AAK1: variants seen among roughly 807,000 people sequenced by gnomAD.
The protein encoded by AAK1 is AP2-associated protein kinase 1.
AAK1 carries 37 observed loss-of-function variants against 116.0 expected under a neutral mutation model. That is an observed-to-expected ratio of 0.32 (90% CI 0.25 to 0.42). The LOEUF (loss-of-function observed/expected upper bound fraction) is 0.42, where lower values mean the gene tolerates loss of function less well. Ranked by LOEUF, AAK1 falls within the 10% of genes least tolerant of loss-of-function variation. AAK1 has a pLI of 1.00. For missense variants in AAK1, 919 were observed against 1,170.6 expected (o/e 0.79, Z 3.14); for synonymous variants, 458 against 439.9 (o/e 1.04, Z -0.51).
chr2:69,514,412 T>C, intron 13 of AAK1, 59 bp downstream of exon 13: 1 of 1,466,340 alleles, frequency 6.8e-7, no homozygotes, highest in African/African-American at 1.4e-5. Flanking sequence ...ACCCTTCCCC[T>C]AGCTCTCGCT....
chr2:69,464,606 G>C lies in AAK1; in HGVS notation c.*11263C>G, dbSNP rs1674430032. Reference sequence around the variant, plus strand: ...TTCATTGTGGAGGTAGGCATGATGGGGCAGGATTTCCCTCAAGTGGAAATG... The same window carrying C: ...TTCATTGTGGAGGTAGGCATGATGGCGCAGGATTTCCCTCAAGTGGAAATG... On this transcript the variant is annotated 3_prime_UTR_variant, in exon 22 of 22. Transcript: ENST00000409085. 1 of 152,506 alleles carries C rather than the reference G, an allele frequency of 6.6e-6. No individual in the cohort carries two copies. The highest frequency in any genetic ancestry group is 2.1e-4 in the South Asian group (1 of 4,810). 9.4% of individuals were successfully genotyped at this position (152,506 alleles called of 1,614,324 possible).
chr2:69,584,286 C>A (rs1360743916), intron 2 of AAK1, among the ~76,000 whole-genome samples: 1 of 152,220 alleles, frequency 6.6e-6, no homozygotes, highest in Non-Finnish European at 1.5e-5. Flanking sequence ...TAGGTCATTA[C>A]ATAATACCTC....
At position 69,470,408 on chromosome 2, in the gene AAK1, G is replaced by C. The variant is rs1674636362; in HGVS notation, c.*5461C>G. Reference sequence around the variant, plus strand: ...AACTAATAATTACCATGACCTTCTAGCTCACATAACAAAATTAAGCATTTG... The same window carrying C: ...AACTAATAATTACCATGACCTTCTACCTCACATAACAAAATTAAGCATTTG... On this transcript the variant is annotated 3_prime_UTR_variant, in exon 22 of 22. Transcript: ENST00000409085. 1 of 985,250 alleles carries C rather than the reference G, an allele frequency of 1.0e-6. No homozygotes were observed. 61.0% of individuals were successfully genotyped at this position (985,250 alleles called of 1,614,324 possible).
At chr2:69,584,184 C>A (rs1672662562) in intron 2 of AAK1, among the ~76,000 whole-genome samples, 1 of 152,152 alleles carries the variant, frequency 6.6e-6, no homozygotes, top group African/African-American at 2.4e-5. Flanking sequence ...CTCCCTACCC[C>A]CTTTAACAAT....
chr2:69,472,716 A>G lies in AAK1; in HGVS notation c.*3153T>C. 7.1e-6 allele frequency: 7 copies of G among 985,464 alleles called. No homozygotes were observed. The highest frequency in any genetic ancestry group is 8.4e-6 in the Non-Finnish European group (7 of 829,926). The allele number at this position is 985,464 out of a possible 1,614,324, so 61.0% of individuals were successfully genotyped here. ...GTTACTCCTCTTACATAGCTGGAATAAAAGCAAATCAGAAACATATGCTTA... is the reference window on the plus strand; with the variant it reads ...GTTACTCCTCTTACATAGCTGGAATGAAAGCAAATCAGAAACATATGCTTA... On this transcript the variant is annotated 3_prime_UTR_variant, in exon 22 of 22. Transcript: ENST00000409085.
intron 12 of AAK1, among the ~76,000 whole-genome samples, chr2:69,518,512 G>T (rs1341993906): frequency 1.3e-5 from 2 of 150,210 alleles, no homozygotes; most frequent in African/African-American, 4.9e-5. Flanking sequence ...TCTGCCTCCT[G>T]GGTTCAAGCG....
chr2:69,641,529 C>A (rs1184180315), intron 2 of AAK1, among the ~76,000 whole-genome samples: 6 of 152,184 alleles, frequency 3.9e-5, no homozygotes, highest in Non-Finnish European at 5.9e-5. Flanking sequence ...AATAATTTCA[C>A]ATGGACATTA....
At chr2:69,520,315 G>T (rs1382535910) in intron 11 of AAK1, 2 of 154,422 alleles carry the variant, frequency 1.3e-5, no homozygotes, top group Admixed American at 1.3e-4. Context: ...CAGAATTCAA[G>T]GAGGCCTCTC....
At chr2:69,637,584 G>C (rs1389919946) in intron 2 of AAK1, among the ~76,000 whole-genome samples, 1 of 152,154 alleles carries the variant, frequency 6.6e-6, no homozygotes, top group Non-Finnish European at 1.5e-5. Flanking sequence ...TACTTTAATA[G>C]ACAATACGTT....
intron 2 of AAK1, among the ~76,000 whole-genome samples, chr2:69,588,903 A>C (rs1324680943): frequency 2.6e-5 from 4 of 152,200 alleles, no homozygotes; most frequent in Non-Finnish European, 1.5e-5. Context: ...TAAATGAAAG[A>C]ACTGCTACCA....
At chr2:69,552,831 C>A (rs6546531) in intron 3 of AAK1, among the ~76,000 whole-genome samples, 78,571 of 151,930 alleles carry the variant, frequency 0.52, 22,364 homozygotes, top group East Asian at 0.77. Flanking sequence ...TGACACCAAA[C>A]GCACAATCCA....
intron 14 of AAK1, among the ~76,000 whole-genome samples, chr2:69,508,815 G>A (rs1365139615): frequency 6.6e-6 from 1 of 152,204 alleles, no homozygotes; most frequent in African/African-American, 2.4e-5. Context: ...TGGCAAGTCT[G>A]CCTGTGAAAC....
intron 16 of AAK1, among the ~76,000 whole-genome samples, chr2:69,500,698 T>TATATATATACACACACAC: frequency 9.2e-5 from 6 of 65,102 alleles, no homozygotes; most frequent in African/African-American, 4.7e-4. Context: ...TATATATATA[T>TATATATATACACACACAC]ACACACACAC....
chr2:69,539,805 C>A (rs1045062888), intron 5 of AAK1, among the ~76,000 whole-genome samples: 11 of 152,134 alleles, frequency 7.2e-5, no homozygotes, highest in Non-Finnish European at 1.3e-4. Context: ...TCTCTGTGAC[C>A]ACTTACTTCC....
Position 69,482,751 on chromosome 2 carries a change from A to T in AAK1, c.2427T>A (p.Pro809=), listed in dbSNP as rs1489952207. Residue 809 remains proline, a synonymous_variant, in exon 18 of 22, where the codon CCT becomes CCA. Transcript: ENST00000409085. The part of the protein sequence containing the change: ...DTSLLLPDLL[P]MTDPFGSTSD... ...AAGTGCTACCAAAAGGATCTGTCAT[A>T]GGCAAGAGGTCAGGGAGCAGAAGAG... 6.2e-7 allele frequency: 1 copy of T among 1,613,786 alleles called. No homozygotes were observed.
In AAK1 at chr2:69,587,471, A is replaced by AT. The variant is rs1263629250; in HGVS notation, c.164-30494dup. On this transcript the variant is annotated intron_variant, in intron 2 of 21. Transcript: ENST00000409085. The stretch of plus-strand genomic sequence containing the variant: ...TGTATATATGTGTGTGTATATATAT[A>AT]TATATATTTTTTTGATGTCGTTTCG... Among the ~76,000 whole-genome samples, 50 of 144,698 alleles carry AT rather than the reference A, an allele frequency of 3.5e-4. 1 individual carries two copies. In the East Asian group the frequency reaches 6.4e-3, roughly 18 times the overall value. 94.9% of individuals were successfully genotyped at this position (144,698 alleles called of 152,430 possible). A position where few individuals can be genotyped will look rare whatever the true frequency, so the allele number is the denominator to read the frequency against.
intron 17 of AAK1, among the ~76,000 whole-genome samples, chr2:69,485,693 CTT>C (rs1295577390): frequency 1.4e-5 from 2 of 147,488 alleles, no homozygotes; most frequent in African/African-American, 2.5e-5. Flanking sequence ...GAGTTTCGCT[CTT>C]GTCGCCCAGG....
At chr2:69,578,347 A>C (rs551428187) in intron 2 of AAK1, among the ~76,000 whole-genome samples, 39 of 152,328 alleles carry the variant, frequency 2.6e-4, no homozygotes, top group African/African-American at 8.9e-4. Context: ...TTCAATCCTA[A>C]GGAAACCTGA....
chr2:69,637,592 G>A (rs1018776215), intron 2 of AAK1, among the ~76,000 whole-genome samples: 4 of 152,058 alleles, frequency 2.6e-5, no homozygotes, highest in African/African-American at 7.2e-5. Flanking sequence ...TAGACAATAC[G>A]TTTCTATTAT....
Sources: allele counts gnomAD v4.1 joint callset (sites outside exome capture counted in the v4.1 genomes callset), GRCh38; gene constraint gnomAD v4.1.1; transcripts MANE v1.5; gene names NCBI Gene and HGNC (gene_info 2026-07-23, HGNC 2026-07-21).